ATRNL1: variants seen among roughly 807,000 people sequenced by gnomAD.
ATRNL1 encodes the protein attractin-like protein 1.
In ATRNL1, 95 loss-of-function variants were observed where a neutral mutation model predicts 182.7. The observed-to-expected ratio is 0.52, with a 90% CI of 0.44 to 0.62. The LOEUF is 0.62. Among genes scored for constraint, ATRNL1 ranks in the 20% least tolerant of loss-of-function variants. The pLI is 0.00. For synonymous variants in ATRNL1, 576 were observed against 568.3 expected, an observed-to-expected ratio of 1.01 and a Z score of -0.19; for missense variants, 1,471 against 1,679.5, an observed-to-expected ratio of 0.88 and a Z score of 2.17.
chr10:115,201,075 G>GT lies in ATRNL1; in HGVS notation c.1349-14606dup, dbSNP rs1431751302. The stretch of plus-strand genomic sequence containing the variant: ...CCTTTGGCCACTTTTTGGTGGGCTT[G>GT]TTTTTTTTTTTTTTTTGTAAATTTG... On this transcript the variant is annotated intron_variant, in intron 8 of 28. Transcript: ENST00000355044. Among the ~76,000 whole-genome samples, 984 of 125,452 alleles carry GT rather than the reference G, an allele frequency of 7.8e-3. 6 individuals carry two copies. The highest frequency in any genetic ancestry group is 0.03 in the South Asian group (114 of 3,782). 82.3% of individuals were successfully genotyped at this position (125,452 alleles called of 152,430 possible). A position where few individuals can be genotyped will look rare whatever the true frequency, so the allele number is the denominator to read the frequency against.
intron 20 of ATRNL1, among the ~76,000 whole-genome samples, chr10:115,416,462 T>A (rs1845396043): frequency 6.6e-6 from 1 of 152,174 alleles, no homozygotes; most frequent in Non-Finnish European, 1.5e-5. Context: ...AATTTGCTTT[T>A]TTGAGCTATA....
chr10:115,392,817 C>T (rs1236524399), intron 19 of ATRNL1, among the ~76,000 whole-genome samples: 1 of 152,182 alleles, frequency 6.6e-6, no homozygotes, highest in East Asian at 1.9e-4. Context: ...AGTCCTCCAG[C>T]ACTTCCAGGC....
intron 15 of ATRNL1, among the ~76,000 whole-genome samples, chr10:115,295,198 A>C (rs1853118089): frequency 6.6e-6 from 1 of 151,680 alleles, no homozygotes. Flanking sequence ...CCAGGAGACA[A>C]GTTGAAGGCT....
chr10:115,755,075 A>T (rs1323317355), intron 27 of ATRNL1, among the ~76,000 whole-genome samples: 2 of 152,154 alleles, frequency 1.3e-5, no homozygotes, highest in African/African-American at 4.8e-5. Context: ...TTGGGCTGAG[A>T]TGATGGGGTT....
rs1250912013 is a variant in ATRNL1 at position 115,355,663 on chromosome 10, ATAAC to A, written c.3175+21248_3175+21251del. ...ACATTAAAAAAAATTCCAATCCTAT[ATAAC>A]TAATAGTTTCCTCCATTTAGGTCTT... On this transcript the variant is annotated intron_variant, in intron 19 of 28. Transcript: ENST00000355044. 8.5e-5 allele frequency among the ~76,000 whole-genome samples: 13 copies of A among 152,250 alleles called. 1 individual carries two copies. The Middle Eastern group carries it at 0.017, about 199-fold the overall frequency.
At chr10:115,450,723 C>T (rs535064241) in intron 21 of ATRNL1, among the ~76,000 whole-genome samples, 7 of 152,152 alleles carry the variant, frequency 4.6e-5, no homozygotes, top group Non-Finnish European at 1.0e-4. Context: ...AGATTCAATG[C>T]TATTCCCATA....
chr10:115,416,110 ATTAAAG>A (rs1158661900), intron 20 of ATRNL1, among the ~76,000 whole-genome samples: 2 of 152,080 alleles, frequency 1.3e-5, no homozygotes, highest in Admixed American at 6.5e-5. Flanking sequence ...ATTGAATCAC[ATTAAAG>A]TTAAAGATTA....
chr10:115,278,998 C>T (rs998015580), intron 13 of ATRNL1, among the ~76,000 whole-genome samples: 9 of 151,736 alleles, frequency 5.9e-5, no homozygotes, highest in African/African-American at 2.2e-4. Flanking sequence ...GTCAGGAGAT[C>T]GAGACCATCC....
intron 20 of ATRNL1, among the ~76,000 whole-genome samples, chr10:115,420,821 A>G (rs1845617744): frequency 6.6e-6 from 1 of 152,166 alleles, no homozygotes; most frequent in Non-Finnish European, 1.5e-5. Context: ...TAAGAAAAAA[A>G]GAGGAATGAT....
chr10:115,555,810 A>G (rs1290649862), intron 26 of ATRNL1, among the ~76,000 whole-genome samples: 1 of 152,060 alleles, frequency 6.6e-6, no homozygotes, highest in Non-Finnish European at 1.5e-5. Flanking sequence ...GTTATTTGAT[A>G]ACTATAATAT....
chr10:115,269,262 T>C (rs1205498066), intron 13 of ATRNL1, among the ~76,000 whole-genome samples: 2 of 152,220 alleles, frequency 1.3e-5, no homozygotes, highest in Non-Finnish European at 2.9e-5. Context: ...CATTCTATGT[T>C]ATGTAGAAGA....
At chr10:115,411,606 G>C (rs1316072563) in intron 20 of ATRNL1, among the ~76,000 whole-genome samples, 2 of 151,838 alleles carry the variant, frequency 1.3e-5, no homozygotes, top group Admixed American at 1.3e-4. Context: ...ACTTCTAAAG[G>C]CTTTTAATGT....
Position 115,300,225 on chromosome 10 carries a change from C to T in ATRNL1, c.2607C>T (p.Gly869=), listed in dbSNP as rs781800671. ...ATCCTTGTACATCTATGGCAAATGG[C>T]CTTGTCTGTGAAAAACCTGTTGGTA... ...KANPCTSMAN[G]LVCEKPVVSP... Residue 869 remains glycine, a synonymous_variant, in exon 16 of 29, where the codon GGC becomes GGT. Transcript: ENST00000355044. The T allele has an allele frequency of 1.1e-5, 18 of 1,613,598 alleles. No homozygotes were observed. Among genetic ancestry groups the T allele is most frequent in the Admixed American group, 1.0e-4 (6 of 59,962 alleles).
intron 9 of ATRNL1, among the ~76,000 whole-genome samples, chr10:115,230,404 G>A (rs111669554): frequency 1.2e-4 from 18 of 152,250 alleles, no homozygotes; most frequent in African/African-American, 4.1e-4. Context: ...GGGGACAGGT[G>A]TTCTAGGAGG....
At chr10:115,632,106 AGAAGAAGGGAAGAATTAATTCTG>A (rs1253165928) in intron 26 of ATRNL1, among the ~76,000 whole-genome samples, 1 of 152,174 alleles carries the variant, frequency 6.6e-6, no homozygotes, top group African/African-American at 2.4e-5. Flanking sequence ...ATTACTAAAA[AGAAGAAGGGAAGAATTAATTCTG>A]GAAAACAATT....
intron 7 of ATRNL1, among the ~76,000 whole-genome samples, chr10:115,169,464 C>G (rs1847198917): frequency 6.6e-6 from 1 of 152,092 alleles, no homozygotes; most frequent in Non-Finnish European, 1.5e-5. Context: ...TCGCCTCGGA[C>G]TTTCAAAGTG....
intron 26 of ATRNL1, among the ~76,000 whole-genome samples, chr10:115,639,718 A>C (rs1214531743): frequency 1.3e-5 from 2 of 152,214 alleles, no homozygotes; most frequent in Non-Finnish European, 2.9e-5. Flanking sequence ...AATAAATCAA[A>C]ATAGATTCCT....
At chr10:115,619,170 A>G (rs1555021804) in intron 26 of ATRNL1, among the ~76,000 whole-genome samples, 1 of 151,986 alleles carries the variant, frequency 6.6e-6, no homozygotes, top group African/African-American at 2.4e-5. Flanking sequence ...GGGGACAGGG[A>G]CATCAGGCAG....
At chr10:115,618,196 G>A (rs2420091) in intron 26 of ATRNL1, among the ~76,000 whole-genome samples, 86,452 of 151,946 alleles carry the variant, frequency 0.57, 25,320 homozygotes, top group East Asian at 0.96. Context: ...TCTTTAGAGC[G>A]ATATGATAAT....
Sources: allele counts gnomAD v4.1 joint callset (sites outside exome capture counted in the v4.1 genomes callset), GRCh38; gene constraint gnomAD v4.1.1; transcripts MANE v1.5; gene names NCBI Gene and HGNC (gene_info 2026-07-23, HGNC 2026-07-21).